Variants in MGAT4C observed in about 807,000 individuals in gnomAD.
MGAT4C encodes the protein alpha-1,3-mannosyl-glycoprotein 4-beta-N-acetylglucosaminyltransferase C.
In MGAT4C, 19 loss-of-function variants were observed where a neutral mutation model predicts 40.1. The observed-to-expected ratio is 0.47, with a 90% CI of 0.33 to 0.70. The LOEUF (loss-of-function observed/expected upper bound fraction) is 0.70, where lower values mean the gene tolerates loss of function less well. MGAT4C is among the 30% of genes least tolerant of loss of function. The pLI is 0.02. For synonymous variants in MGAT4C, 181 were observed against 187.1 expected (o/e 0.97, Z 0.27); for missense variants, 491 against 563.2 (o/e 0.87, Z 1.30).
chr12:86,460,353 G>A (rs966336998), intron 2 of MGAT4C, among the ~76,000 whole-genome samples: 22 of 152,126 alleles, frequency 1.4e-4, no homozygotes, highest in Middle Eastern at 3.2e-3. Flanking sequence ...TATGTTAAGA[G>A]TATACTGCCT....
intron 2 of MGAT4C, among the ~76,000 whole-genome samples, chr12:86,621,095 C>T (rs1403807555): frequency 2.0e-5 from 3 of 151,758 alleles, no homozygotes; most frequent in Non-Finnish European, 2.9e-5. Context: ...TCTAAATCTA[C>T]AAAAATAAAA....
At chr12:86,038,489 T>C (rs1485913755) in intron 2 of MGAT4C, among the ~76,000 whole-genome samples, 1 of 150,020 alleles carries the variant, frequency 6.7e-6, no homozygotes, top group Non-Finnish European at 1.5e-5. Context: ...CCCTTTACCA[T>C]TATGTAATGC....
intron 3 of MGAT4C, 29 bp downstream of exon 3, chr12:85,989,371 A>G (rs776621507): frequency 2.0e-6 from 3 of 1,536,544 alleles, no homozygotes; most frequent in South Asian, 1.3e-5. Context: ...CTTATTTTGA[A>G]GAAAAGACAA....
chr12:86,235,940 A>G (rs991118610), intron 1 of MGAT4C, among the ~76,000 whole-genome samples: 2 of 152,112 alleles, frequency 1.3e-5, no homozygotes, highest in African/African-American at 2.4e-5. Flanking sequence ...AAACCTAAGA[A>G]GCAAGTCTAC....
chr12:86,046,389 C>T (rs1370445840), intron 2 of MGAT4C, among the ~76,000 whole-genome samples: 1 of 152,192 alleles, frequency 6.6e-6, no homozygotes, highest in Non-Finnish European at 1.5e-5. Context: ...CCTTCCCTGA[C>T]TGCCATGGGA....
chr12:86,015,573 A>G (rs1181596583), intron 2 of MGAT4C: 1 of 152,250 alleles, frequency 6.6e-6, no homozygotes, highest in Non-Finnish European at 1.5e-5. Flanking sequence ...AGTTGCCACC[A>G]CAGTAAGTCT....
At chr12:86,822,620 G>T (rs1253559902) in intron 1 of MGAT4C, among the ~76,000 whole-genome samples, 1 of 151,056 alleles carries the variant, frequency 6.6e-6, no homozygotes, top group Non-Finnish European at 1.5e-5. Flanking sequence ...AACGATAAAA[G>T]AGTTGCCAGG....
chr12:86,522,036 T>G (rs1447437780), intron 2 of MGAT4C, among the ~76,000 whole-genome samples: 1 of 152,190 alleles, frequency 6.6e-6, no homozygotes, highest in Non-Finnish European at 1.5e-5. Context: ...CAAAGCATCA[T>G]GTCATCTGCA....
At chr12:86,537,036 C>A (rs1959083494) in intron 2 of MGAT4C, among the ~76,000 whole-genome samples, 1 of 152,096 alleles carries the variant, frequency 6.6e-6, no homozygotes, top group South Asian at 2.1e-4. Context: ...TACTATGCAG[C>A]CATAAAAAAT....
intron 1 of MGAT4C, among the ~76,000 whole-genome samples, chr12:86,741,249 T>C (rs1458223072): frequency 6.6e-6 from 1 of 151,232 alleles, no homozygotes; most frequent in Non-Finnish European, 1.5e-5. Flanking sequence ...CCATCATTGG[T>C]GGATGGGATA....
At chr12:86,603,301 TATA>T (rs1343384826) in intron 2 of MGAT4C, among the ~76,000 whole-genome samples, 1 of 140,042 alleles carries the variant, frequency 7.1e-6, no homozygotes, top group East Asian at 2.0e-4. Flanking sequence ...TAGTATAGCA[TATA>T]ATTATATAGT....
At chr12:86,199,556 C>T (rs1949959974) in intron 1 of MGAT4C, among the ~76,000 whole-genome samples, 1 of 151,570 alleles carries the variant, frequency 6.6e-6, no homozygotes, top group South Asian at 2.1e-4. Context: ...ATTTCATGCC[C>T]TGGGTCTGTT....
At chr12:85,989,949 G>A (rs1376726874) in intron 2 of MGAT4C, among the ~76,000 whole-genome samples, 9 of 152,118 alleles carry the variant, frequency 5.9e-5, no homozygotes, top group Admixed American at 2.0e-4. Context: ...GTAGTATAAC[G>A]AAAATGAGAA....
intron 2 of MGAT4C, among the ~76,000 whole-genome samples, chr12:86,635,710 T>C (rs991206835): frequency 4.0e-5 from 6 of 151,636 alleles, no homozygotes; most frequent in African/African-American, 2.4e-5. Flanking sequence ...ATCTTGCACT[T>C]TTGCCCAGGC....
intron 2 of MGAT4C, among the ~76,000 whole-genome samples, chr12:86,653,965 TG>T (rs746602086): frequency 9.9e-5 from 15 of 152,014 alleles, no homozygotes; most frequent in Non-Finnish European, 1.8e-4. Context: ...ATAAGAAATG[TG>T]GTTTCAGAAG....
At chr12:86,274,353 T>C (rs1286944987) in intron 4 of MGAT4C, among the ~76,000 whole-genome samples, 1 of 152,148 alleles carries the variant, frequency 6.6e-6, no homozygotes, top group Non-Finnish European at 1.5e-5. Context: ...CTCTAGTCTT[T>C]AAAAAGTGGA....
rs562900901 is a variant in MGAT4C at position 86,076,259 on chromosome 12, G to C, written c.-56-26536C>G. 3.3e-5 allele frequency among the ~76,000 whole-genome samples: 5 copies of C among 152,188 alleles called. No individual in the cohort carries two copies. The South Asian group carries it at 1.0e-3, about 32-fold the overall frequency. On this transcript the variant is annotated intron_variant, in intron 1 of 4. Coordinates refer to ENST00000611864, the MANE Select transcript of MGAT4C (RefSeq NM_001351288.2). ...TCACCTTTGCTTCAGTTCCCAACAAGTTCCTCATCTCCACCTGAGACCACC... is the reference window on the plus strand; with the variant it reads ...TCACCTTTGCTTCAGTTCCCAACAACTTCCTCATCTCCACCTGAGACCACC...
At chr12:86,793,856 T>C (rs1370080619) in intron 1 of MGAT4C, among the ~76,000 whole-genome samples, 1 of 151,990 alleles carries the variant, frequency 6.6e-6, no homozygotes, top group Non-Finnish European at 1.5e-5. Flanking sequence ...TTAAGCTGAA[T>C]TGAAAAACTG....
chr12:86,424,501 C>T (rs1956889025), intron 3 of MGAT4C, among the ~76,000 whole-genome samples: 1 of 152,112 alleles, frequency 6.6e-6, no homozygotes, highest in Non-Finnish European at 1.5e-5. Context: ...GGGTACCATT[C>T]CACCAATTCA....
Sources: gnomAD v4.1 joint callset for allele counts (sites outside exome capture counted in the v4.1 genomes callset) on GRCh38, gnomAD v4.1.1 for gene constraint, MANE v1.5 for transcripts, NCBI Gene and HGNC (gene_info 2026-07-23, HGNC 2026-07-21) for gene names.